Variants in TMEM132C observed in about 807,000 individuals in gnomAD.
TMEM132C encodes transmembrane protein 132C.
Under a neutral mutation model 61.4 loss-of-function variants are expected in TMEM132C, and 29 were observed. The ratio of observed to expected loss-of-function variants is 0.47; its 90% CI spans 0.35 to 0.64. The LOEUF is 0.64. TMEM132C is among the 30% of genes least tolerant of loss of function. The pLI is 0.00. For synonymous variants in TMEM132C, 656 were observed against 633.1 expected, an observed-to-expected ratio of 1.04 and a Z score of -0.54; for missense variants, 1,408 against 1,476.9, an observed-to-expected ratio of 0.95 and a Z score of 0.76.
rs538731115 is a variant in TMEM132C at position 128,537,638 on chromosome 12, C to T, written c.975-6319C>T. On this transcript the variant is annotated intron_variant, in intron 2 of 8. Coordinates refer to ENST00000435159, the MANE Select transcript of TMEM132C (RefSeq NM_001136103.3). ...TAGAGAACAGACCAGTTACAGGATTCGAGGAAGGTGTGACTATGAAGGGGG... is the reference window on the plus strand; with the variant it reads ...TAGAGAACAGACCAGTTACAGGATTTGAGGAAGGTGTGACTATGAAGGGGG... Among the ~76,000 whole-genome samples the T allele has an allele frequency of 2.0e-3, 308 of 152,268 alleles. 3 individuals are homozygous for T. Among genetic ancestry groups the T allele is most frequent in the African/African-American group, 7.2e-3 (300 of 41,532 alleles).
intron 5 of TMEM132C, among the ~76,000 whole-genome samples, chr12:128,679,552 G>A (rs1251721877): frequency 2.6e-5 from 4 of 152,176 alleles, no homozygotes; most frequent in Non-Finnish European, 4.4e-5. Context: ...CAAGTGGCCA[G>A]GCAAAGCCCT....
intron 2 of TMEM132C, among the ~76,000 whole-genome samples, chr12:128,428,450 A>G (rs576724291): frequency 6.6e-6 from 1 of 152,268 alleles, no homozygotes; most frequent in Non-Finnish European, 1.5e-5. Flanking sequence ...TAATAGGTGC[A>G]ATAAATGTCC....
chr12:128,271,371 A>G (rs927228652), intron 1 of TMEM132C, among the ~76,000 whole-genome samples: 3 of 151,760 alleles, frequency 2.0e-5, no homozygotes, highest in African/African-American at 4.8e-5. Context: ...ATGTGTACAT[A>G]TATCAAATCA....
intron 2 of TMEM132C, among the ~76,000 whole-genome samples, chr12:128,474,656 A>G (rs1329992692): frequency 1.3e-5 from 2 of 152,216 alleles, no homozygotes; most frequent in Non-Finnish European, 2.9e-5. Flanking sequence ...ATTGAAGTGG[A>G]GAAAATTCTG....
chr12:128,471,070 CTG>C (rs1286777374), intron 2 of TMEM132C, among the ~76,000 whole-genome samples: 1 of 152,142 alleles, frequency 6.6e-6, no homozygotes, highest in Non-Finnish European at 1.5e-5. Flanking sequence ...AGGTGCTCTC[CTG>C]TGTATTGTAG....
At chr12:128,557,380 A>G (rs186409050) in intron 3 of TMEM132C, among the ~76,000 whole-genome samples, 4 of 152,254 alleles carry the variant, frequency 2.6e-5, no homozygotes, top group Admixed American at 6.5e-5. Context: ...GATTTATTGT[A>G]TCAAGTTAAC....
At chr12:128,341,575 T>G (rs1283688566) in intron 1 of TMEM132C, among the ~76,000 whole-genome samples, 1 of 152,200 alleles carries the variant, frequency 6.6e-6, no homozygotes, top group African/African-American at 2.4e-5. Flanking sequence ...TGAAACACAA[T>G]GGAGCTAACT....
intron 2 of TMEM132C, among the ~76,000 whole-genome samples, chr12:128,506,003 C>T (rs11059727): frequency 0.34 from 51,089 of 152,010 alleles, 9,113 homozygotes; most frequent in East Asian, 0.57. Flanking sequence ...CAGACCATGG[C>T]GGCATAAATA....
chr12:128,445,564 A>G (rs1869949513), intron 2 of TMEM132C, among the ~76,000 whole-genome samples: 2 of 152,138 alleles, frequency 1.3e-5, no homozygotes, highest in Admixed American at 1.3e-4. Flanking sequence ...CTGCCTGTCC[A>G]CGGTGGGAGA....
At position 128,278,461 on chromosome 12, in the gene TMEM132C, TCTC is replaced by T. The variant is rs1870763614; in HGVS notation, c.85+10977_85+10979del. Among the ~76,000 whole-genome samples the T allele has an allele frequency of 6.6e-6, 1 of 152,166 alleles. No homozygotes were observed. Among genetic ancestry groups the T allele is most frequent in the South Asian group, 2.1e-4 (1 of 4,820 alleles). ...TCCTAGCTGGGATCTCTCACTGCCTTCTCCTGGTCAGTTGTCTCCCTGGCCATG... is the reference window on the plus strand; with the variant it reads ...TCCTAGCTGGGATCTCTCACTGCCTTCTGGTCAGTTGTCTCCCTGGCCATG... On this transcript the variant is annotated intron_variant, in intron 1 of 8. Coordinates refer to ENST00000435159, the MANE Select transcript of TMEM132C (RefSeq NM_001136103.3). This position sits in a 1 kb window ranked among gnomAD's most constrained non-coding sequence, Gnocchi z 4.2.
At chr12:128,324,479 C>T (rs993927627) in intron 1 of TMEM132C, among the ~76,000 whole-genome samples, 1 of 152,144 alleles carries the variant, frequency 6.6e-6, no homozygotes, top group African/African-American at 2.4e-5. Flanking sequence ...TCTGTCATAG[C>T]ATAGATGTGT....
At chr12:128,274,375 G>A (rs936034068) in intron 1 of TMEM132C, among the ~76,000 whole-genome samples, 2 of 152,070 alleles carry the variant, frequency 1.3e-5, no homozygotes, top group Non-Finnish European at 2.9e-5. Flanking sequence ...CAGCAACATG[G>A]TGAGTTATCA....
At chr12:128,314,347 CA>C (rs111937225) in intron 1 of TMEM132C, among the ~76,000 whole-genome samples, 49,923 of 152,038 alleles carry the variant, frequency 0.33, 8,612 homozygotes, top group East Asian at 0.47. Context: ...AGCTGCCCAT[CA>C]GGCCTTCTAT....
chr12:128,392,944 A>G (rs185710820), intron 1 of TMEM132C, among the ~76,000 whole-genome samples: 1 of 152,266 alleles, frequency 6.6e-6, no homozygotes, highest in Non-Finnish European at 1.5e-5. Flanking sequence ...TAAAAGCTGC[A>G]TGATGGTCTC....
chr12:128,469,672 AT>A (rs1870872655), intron 2 of TMEM132C, among the ~76,000 whole-genome samples: 1 of 145,376 alleles, frequency 6.9e-6, no homozygotes, highest in South Asian at 2.1e-4. Context: ...GTATATATAT[AT>A]ATGTGCATTT....
intron 2 of TMEM132C, among the ~76,000 whole-genome samples, chr12:128,424,234 A>G (rs959280729): frequency 6.6e-6 from 1 of 152,144 alleles, no homozygotes; most frequent in Non-Finnish European, 1.5e-5. Context: ...TGAGTCTCCT[A>G]CTTATGCACA....
At chr12:128,343,577 C>G (rs1267250980) in intron 1 of TMEM132C, among the ~76,000 whole-genome samples, 2 of 152,132 alleles carry the variant, frequency 1.3e-5, no homozygotes, top group Non-Finnish European at 2.9e-5. Flanking sequence ...TCCACTAAAT[C>G]ATTTTTTTCT....
intron 2 of TMEM132C, among the ~76,000 whole-genome samples, chr12:128,458,893 C>T (rs1565942344): frequency 6.6e-6 from 1 of 152,204 alleles, no homozygotes; most frequent in Admixed American, 6.5e-5. Context: ...AATTAGACAC[C>T]TGTCTGCAAG....
intron 2 of TMEM132C, among the ~76,000 whole-genome samples, chr12:128,479,300 A>G (rs921171577): frequency 6.6e-6 from 1 of 152,128 alleles, no homozygotes; most frequent in African/African-American, 2.4e-5. Context: ...CTGTACAACA[A>G]ACCCTCATGA....
Sources: gnomAD v4.1 joint callset for allele counts (sites outside exome capture counted in the v4.1 genomes callset) on GRCh38, gnomAD v4.1.1 for gene constraint, Gnocchi (gnomAD v3.1) non-coding constraint, MANE v1.5 for transcripts, NCBI Gene and HGNC (gene_info 2026-07-23, HGNC 2026-07-21) for gene names.